Variants in CDH13 observed in about 807,000 individuals in gnomAD.
CDH13 encodes the protein cadherin-13.
A neutral mutation model predicts 63.8 loss-of-function variants in CDH13; 24 were observed. The observed-to-expected ratio is 0.38, with a 90% CI of 0.27 to 0.53. The LOEUF is 0.53. Among genes scored for constraint, CDH13 ranks in the 20% least tolerant of loss-of-function variants. CDH13 has a pLI of 0.85. For synonymous variants in CDH13, 503 were observed against 355.3 expected (o/e 1.42, Z -4.67); for missense variants, 1,049 against 903.1 (o/e 1.16, Z -2.07).
chr16:83,506,835 C>G lies in CDH13; in HGVS notation c.960+20180C>G, dbSNP rs543021791. Reference sequence around the variant, plus strand: ...GAGGCCACCTACTAATAGCCAGCATCAATTCTTTAGCCGTATGTGTGAGCC... The same window carrying G: ...GAGGCCACCTACTAATAGCCAGCATGAATTCTTTAGCCGTATGTGTGAGCC... On this transcript the variant is annotated intron_variant, in intron 7 of 13. Transcript: ENST00000567109. Among the ~76,000 whole-genome samples, 4 of 152,320 alleles carry G rather than the reference C, an allele frequency of 2.6e-5. No individual in the cohort carries two copies. In the East Asian group the frequency reaches 7.7e-4, roughly 29 times the overall value.
intron 4 of CDH13, among the ~76,000 whole-genome samples, chr16:83,197,453 C>G (rs1055466892): frequency 1.3e-5 from 2 of 152,100 alleles, no homozygotes; most frequent in African/African-American, 2.4e-5. Flanking sequence ...ACTATGGTCA[C>G]CTGTTCACCC....
At chr16:82,977,697 G>C (rs1167150480) in intron 2 of CDH13, among the ~76,000 whole-genome samples, 1 of 152,134 alleles carries the variant, frequency 6.6e-6, no homozygotes, top group South Asian at 2.1e-4. Context: ...CATAAAAATG[G>C]ACTAATACAG....
At chr16:82,700,912 T>G (rs2150990347) in intron 1 of CDH13, among the ~76,000 whole-genome samples, 1 of 145,170 alleles carries the variant, frequency 6.9e-6, no homozygotes, top group African/African-American at 2.5e-5. Context: ...AATTTGCTTC[T>G]CTTTACAGTG....
chr16:82,828,175 C>G (rs182777991), intron 1 of CDH13, among the ~76,000 whole-genome samples: 62 of 152,272 alleles, frequency 4.1e-4, no homozygotes, highest in African/African-American at 1.4e-3. Flanking sequence ...ATTTCTGGAG[C>G]TGTGTTGAGG....
At chr16:83,457,160 G>C (rs2073045915) in intron 6 of CDH13, among the ~76,000 whole-genome samples, 1 of 152,154 alleles carries the variant, frequency 6.6e-6, no homozygotes, top group South Asian at 2.1e-4. Context: ...TATGACCTTG[G>C]CGAGCTCCGC....
intron 2 of CDH13, among the ~76,000 whole-genome samples, chr16:82,937,819 T>G (rs2042718101): frequency 6.6e-6 from 1 of 152,248 alleles, no homozygotes; most frequent in African/African-American, 2.4e-5. Context: ...ATGTTGTTTA[T>G]TCATCATATC....
intron 1 of CDH13, among the ~76,000 whole-genome samples, chr16:82,855,459 A>G (rs554628805): frequency 6.6e-6 from 1 of 152,348 alleles, no homozygotes; most frequent in African/African-American, 2.4e-5. Flanking sequence ...AGGTTAACGC[A>G]TAATTGTAGG....
intron 7 of CDH13, among the ~76,000 whole-genome samples, chr16:83,543,656 A>C (rs1486346525): frequency 1.3e-5 from 2 of 152,172 alleles, no homozygotes; most frequent in Non-Finnish European, 2.9e-5. Flanking sequence ...CAGGGGACAG[A>C]CATTAGAGAC....
chr16:83,711,522 T>C (rs1378306855), intron 10 of CDH13, among the ~76,000 whole-genome samples: 1 of 152,178 alleles, frequency 6.6e-6, no homozygotes, highest in Non-Finnish European at 1.5e-5. Context: ...TTTTGTTTTT[T>C]GTTTTTTGTT....
chr16:82,727,300 T>C (rs917882677), intron 1 of CDH13, among the ~76,000 whole-genome samples: 2 of 152,194 alleles, frequency 1.3e-5, no homozygotes, highest in African/African-American at 4.8e-5. Flanking sequence ...AATGTGCCTT[T>C]ATCCTCTCCC....
intron 8 of CDH13, among the ~76,000 whole-genome samples, chr16:83,618,254 G>C (rs1461512517): frequency 3.3e-5 from 5 of 151,958 alleles, no homozygotes; most frequent in Non-Finnish European, 5.9e-5. Flanking sequence ...GTGAAACCTT[G>C]TCTCTACTAA....
intron 1 of CDH13, among the ~76,000 whole-genome samples, chr16:82,803,597 A>T (rs1029787929): frequency 2.6e-5 from 4 of 152,236 alleles, no homozygotes; most frequent in African/African-American, 9.6e-5. Flanking sequence ...GAAAAGAAGA[A>T]TAATGAAACT....
At chr16:83,560,570 A>G (rs1248987346) in intron 7 of CDH13, among the ~76,000 whole-genome samples, 2 of 152,240 alleles carry the variant, frequency 1.3e-5, no homozygotes, top group African/African-American at 2.4e-5. Context: ...TTTATACAAG[A>G]TGAGCAACTC....
chr16:83,361,204 T>C (rs1438211829), intron 6 of CDH13, among the ~76,000 whole-genome samples: 1 of 152,212 alleles, frequency 6.6e-6, no homozygotes, highest in Non-Finnish European at 1.5e-5. Flanking sequence ...CAATTTTTCA[T>C]ATGTTTTTTG....
At chr16:82,785,239 C>T (rs1033300272) in intron 1 of CDH13, among the ~76,000 whole-genome samples, 2 of 152,148 alleles carry the variant, frequency 1.3e-5, no homozygotes, top group African/African-American at 2.4e-5. Context: ...AAATGTCTAA[C>T]ATGGGTTGGA....
chr16:83,760,132 AT>A (rs1398341455), intron 11 of CDH13, among the ~76,000 whole-genome samples: 1 of 152,174 alleles, frequency 6.6e-6, no homozygotes, highest in Non-Finnish European at 1.5e-5. Context: ...TAAAACACAA[AT>A]TAATCAAGGA....
At chr16:82,849,215 A>G (rs2039384626) in intron 1 of CDH13, among the ~76,000 whole-genome samples, 1 of 152,198 alleles carries the variant, frequency 6.6e-6, no homozygotes, top group African/African-American at 2.4e-5. Context: ...TAAAAGTGTC[A>G]GGTGAAAGCC....
At chr16:82,713,906 G>A (rs76105352) in intron 1 of CDH13, among the ~76,000 whole-genome samples, 43 of 152,080 alleles carry the variant, frequency 2.8e-4, no homozygotes, top group African/African-American at 9.6e-4. Context: ...GCTCAGCTGA[G>A]GGCCTGGGCG....
intron 1 of CDH13, among the ~76,000 whole-genome samples, chr16:82,853,594 C>T (rs1049964018): frequency 2.0e-5 from 3 of 152,190 alleles, no homozygotes; most frequent in Non-Finnish European, 4.4e-5. Flanking sequence ...AAACGAGATT[C>T]ACACTGAACC....
Sources: allele counts gnomAD v4.1 joint callset (sites outside exome capture counted in the v4.1 genomes callset), GRCh38; gene constraint gnomAD v4.1.1; transcripts MANE v1.5; gene names NCBI Gene and HGNC (gene_info 2026-07-23, HGNC 2026-07-21).